Variants in DMD observed in about 807,000 individuals in gnomAD.
DMD encodes the protein dystrophin.
A neutral mutation model predicts 330.1 loss-of-function variants in DMD; 63 were observed. The ratio of observed to expected loss-of-function variants is 0.19; its 90% CI spans 0.16 to 0.24. The LOEUF is 0.24. Among genes scored for constraint, DMD ranks in the 10% least tolerant of loss-of-function variants. The pLI is 1.00. For missense variants in DMD, 3,344 were observed against 2,684.1 expected, an observed-to-expected ratio of 1.25 and a Z score of -5.43; for synonymous variants, 1,223 against 959.8, an observed-to-expected ratio of 1.27 and a Z score of -5.07.
chrX:32,878,469 G>C (rs2083566251), intron 2 of DMD, among the ~76,000 whole-genome samples: 1 of 111,856 alleles, frequency 8.9e-6, no homozygotes, highest in Admixed American at 9.5e-5. Context: ...TGGAGGTTTT[G>C]ATTACCATTA....
At chrX:32,824,489 G>A (rs1479802660) in intron 4 of DMD, among the ~76,000 whole-genome samples, 1 of 111,938 alleles carries the variant, frequency 8.9e-6, no homozygotes, top group African/African-American at 3.2e-5. Flanking sequence ...TGGGGAAAAA[G>A]TCATTCTGAA....
chrX:32,610,569 T>C (rs372593372), intron 12 of DMD, among the ~76,000 whole-genome samples: 60 of 111,264 alleles, frequency 5.4e-4, no homozygotes, highest in African/African-American at 1.9e-3. Flanking sequence ...TTTGCAAACA[T>C]TTTAATCTTG....
rs1453079700 is a variant in DMD, at chrX:32,248,426, C to T, written c.6291-31363G>A. On this transcript the variant is annotated intron_variant, in intron 43 of 78. Transcript: ENST00000357033. ...CATCTTATCATATTCTTTTTTGGAG[C>T]TGTTTACATATCTTTTAATCTCTGA... is the stretch of plus-strand genomic sequence containing the variant. 5.4e-5 allele frequency among the ~76,000 whole-genome samples: 6 copies of T among 110,217 alleles called. No individual in the cohort carries two copies. The Admixed American group carries it at 5.8e-4, about 11-fold the overall frequency.
chrX:32,083,958 C>T (rs776254803), intron 44 of DMD, among the ~76,000 whole-genome samples: 2 of 112,551 alleles, frequency 1.8e-5, no homozygotes, highest in South Asian at 3.7e-4. Context: ...CATAAACCTG[C>T]TTTATTCTCT....
chrX:32,118,101 A>AG (rs2096618723), intron 44 of DMD, among the ~76,000 whole-genome samples: 1 of 111,819 alleles, frequency 8.9e-6, no homozygotes, highest in Non-Finnish European at 1.9e-5. Flanking sequence ...CTACATTCAA[A>AG]GGTTTCCAAT....
At chrX:32,758,022 A>G (rs1426746845) in intron 7 of DMD, among the ~76,000 whole-genome samples, 1 of 111,897 alleles carries the variant, frequency 8.9e-6, no homozygotes, top group Admixed American at 9.4e-5. Context: ...CAGTTCTATA[A>G]GGTTCTATAA....
At chrX:31,698,577 C>T (rs1224581287) in intron 52 of DMD, among the ~76,000 whole-genome samples, 1 of 112,091 alleles carries the variant, frequency 8.9e-6, no homozygotes, top group African/African-American at 3.2e-5. Context: ...TCTACTTCCA[C>T]AAGGCATTTA....
At chrX:33,239,875 G>C (rs1168170886) in intron 1 of DMD, among the ~76,000 whole-genome samples, 1 of 110,850 alleles carries the variant, frequency 9.0e-6, no homozygotes, top group Non-Finnish European at 1.9e-5. Flanking sequence ...GTCATACGTG[G>C]AAAATTGGAC....
intron 30 of DMD, among the ~76,000 whole-genome samples, chrX:32,400,166 A>G (rs1184156000): frequency 8.9e-6 from 1 of 111,833 alleles, no homozygotes. Context: ...TTTTAGCATG[A>G]AGCGTTGTTG....
chrX:32,295,225 C>T (rs1603630126), intron 42 of DMD, among the ~76,000 whole-genome samples: 1 of 111,935 alleles, frequency 8.9e-6, no homozygotes, highest in East Asian at 2.8e-4. Context: ...GGCATCTGTA[C>T]ACGAATTTAT....
At chrX:32,463,632 T>C in intron 24 of DMD, 38 bp from the exon 25 acceptor site, 1 of 1,064,053 alleles carries the variant, frequency 9.4e-7, no homozygotes, top group South Asian at 2.6e-5. Flanking sequence ...CTGAAAAAAA[T>C]TACTGCCACA....
chrX:31,359,362 A>G (rs1044472457), intron 60 of DMD, among the ~76,000 whole-genome samples: 3 of 111,975 alleles, frequency 2.7e-5, no homozygotes, highest in Non-Finnish European at 3.8e-5. Flanking sequence ...GTCTCCACAG[A>G]TAGTTCTGAT....
chrX:32,727,041 A>C (rs1372202171), intron 7 of DMD, among the ~76,000 whole-genome samples: 1 of 110,946 alleles, frequency 9.0e-6, no homozygotes, highest in African/African-American at 3.3e-5. Context: ...TCTAGGTTGA[A>C]GTAAAATCAA....
intron 12 of DMD, among the ~76,000 whole-genome samples, chrX:32,597,091 G>A (rs964998486): frequency 9.0e-6 from 1 of 111,500 alleles, no homozygotes; most frequent in Non-Finnish European, 1.9e-5. Context: ...AATGTGTCAA[G>A]CTGTTCCCTC....
chrX:32,794,216 T>A (rs1272644994), intron 7 of DMD, among the ~76,000 whole-genome samples: 2 of 111,233 alleles, frequency 1.8e-5, no homozygotes, highest in African/African-American at 6.6e-5. Context: ...ACAAAAAAAA[T>A]TAACAAAATA....
At chrX:32,590,014 G>T (rs10522007) in intron 13 of DMD, among the ~76,000 whole-genome samples, 1 of 111,408 alleles carries the variant, frequency 9.0e-6, no homozygotes, top group African/African-American at 3.3e-5. Context: ...TTTGCTAAAA[G>T]GTTCAGGAAA....
At chrX:31,898,071 G>C (rs1445757057) in intron 47 of DMD, among the ~76,000 whole-genome samples, 1 of 110,136 alleles carries the variant, frequency 9.1e-6, no homozygotes, top group Non-Finnish European at 1.9e-5. Flanking sequence ...GGGATGTGAA[G>C]GACCTCTTCA....
At chrX:33,237,203 TCCTCCCTTCCTTCCCTCCCTC>T (rs2148886870) in intron 1 of DMD, among the ~76,000 whole-genome samples, 1 of 78,452 alleles carries the variant, frequency 1.3e-5, no homozygotes, top group South Asian at 1.0e-3. Context: ...TTCCCTCCCT[TCCTCCCTTCCTTCCCTCCCTC>T]CCTCCCTCTT....
chrX:32,552,659 T>C (rs1345944900), intron 16 of DMD, among the ~76,000 whole-genome samples: 1 of 111,984 alleles, frequency 8.9e-6, no homozygotes, highest in Non-Finnish European at 1.9e-5. Context: ...GAGAAAAATT[T>C]TGCAAACTTT....
Sources: allele counts gnomAD v4.1 joint callset (sites outside exome capture counted in the v4.1 genomes callset), GRCh38; gene constraint gnomAD v4.1.1; transcripts MANE v1.5; gene names NCBI Gene and HGNC (gene_info 2026-07-23, HGNC 2026-07-21).